Variants in RICTOR observed in about 807,000 individuals in gnomAD.
The protein encoded by RICTOR is rapamycin-insensitive companion of mTOR.
Under a neutral mutation model 214.9 loss-of-function variants are expected in RICTOR, and 49 were observed. The observed-to-expected ratio is 0.23, with a 90% CI of 0.18 to 0.29. The LOEUF is 0.29. Ranked by LOEUF, RICTOR falls within the 10% of genes least tolerant of loss-of-function variation. The pLI is 1.00. For synonymous variants in RICTOR, 717 were observed against 711.3 expected, an observed-to-expected ratio of 1.01 and a Z score of -0.13; for missense variants, 1,625 against 2,047.0, an observed-to-expected ratio of 0.79 and a Z score of 3.98.
At position 38,959,945 on chromosome 5, in the gene RICTOR, C is replaced by G; in HGVS notation, c.1885G>C (p.Asp629His). ...GAAGCATTGAGCCACTGAACAATATCCTTTACTAGATCTTCTAAGTAGCCT... is the reference window on the plus strand; with the variant it reads ...GAAGCATTGAGCCACTGAACAATATGCTTTACTAGATCTTCTAAGTAGCCT... ...GQGYLEDLVK[D>H]IVQWLNASSG... Residue 629 changes from aspartate to histidine, a missense_variant, in exon 21 of 38, where the codon GAT becomes CAT. By Grantham distance (81) the Asp-to-His change is moderately conservative. This residue lies in a region of RICTOR where 1,214 missense variants were observed against 1,470.5 expected (regional missense o/e 0.83). Transcript: ENST00000357387. 6.2e-7 allele frequency: 1 copy of G among 1,612,384 alleles called. No homozygotes were observed. Among genetic ancestry groups the G allele is most frequent in the Non-Finnish European group, 8.5e-7 (1 of 1,178,670 alleles).
At chr5:38,982,586 A>C (rs750720647) in intron 7 of RICTOR, among the ~76,000 whole-genome samples, 1 of 152,112 alleles carries the variant, frequency 6.6e-6, no homozygotes, top group Non-Finnish European at 1.5e-5. Flanking sequence ...AGTTTTGTTA[A>C]GATGATAAAC....
intron 2 of RICTOR, among the ~76,000 whole-genome samples, chr5:39,039,537 G>A (rs1320327736): frequency 6.6e-6 from 1 of 152,114 alleles, no homozygotes; most frequent in African/African-American, 2.4e-5. Context: ...GTAACCTACA[G>A]AATAGGAGAA....
Position 38,962,478 on chromosome 5 carries a change from T to G in RICTOR, c.1668+7A>C, listed in dbSNP as rs765557410. 2.1e-6 allele frequency: 3 copies of G among 1,432,786 alleles called. No individual in the cohort carries two copies. Among genetic ancestry groups the G allele is most frequent in the East Asian group, 4.6e-5 (2 of 43,510 alleles). 88.8% of individuals were successfully genotyped at this position (1,432,786 alleles called of 1,614,324 possible). On this transcript the variant is annotated splice_region_variant and intron_variant, in intron 18 of 37. Transcript: ENST00000357387. Reference sequence around the variant, plus strand: ...ACAAGCCATTACCATGAAGTATCTTTTCATACCTTAAGAATGGTCCCTATA... The same window carrying G: ...ACAAGCCATTACCATGAAGTATCTTGTCATACCTTAAGAATGGTCCCTATA...
intron 2 of RICTOR, among the ~76,000 whole-genome samples, chr5:39,073,283 C>A (rs1378016925): frequency 6.6e-6 from 1 of 152,152 alleles, no homozygotes; most frequent in Non-Finnish European, 1.5e-5. Flanking sequence ...AGAAAAGAAT[C>A]TTGTACGTAA....
intron 9 of RICTOR, among the ~76,000 whole-genome samples, chr5:38,977,412 A>G (rs923720482): frequency 3.9e-5 from 6 of 152,152 alleles, no homozygotes; most frequent in Non-Finnish European, 8.8e-5. Flanking sequence ...GAGAATGTCT[A>G]TATTTCAAAA....
intron 33 of RICTOR, 53 bp from the exon 34 acceptor site, chr5:38,945,777 G>T: frequency 1.1e-6 from 1 of 931,470 alleles, no homozygotes; most frequent in South Asian, 1.8e-5. Context: ...ACTTTTCAAG[G>T]TACCTTAAAT....
intron 2 of RICTOR, among the ~76,000 whole-genome samples, chr5:39,036,886 C>T (rs1438620438): frequency 5.3e-5 from 8 of 152,162 alleles, no homozygotes; most frequent in Admixed American, 6.5e-5. Flanking sequence ...TAGCACCCCA[C>T]TGTCAACATT....
chr5:39,041,996 C>A (rs972201926), intron 2 of RICTOR, among the ~76,000 whole-genome samples: 2 of 147,026 alleles, frequency 1.4e-5, no homozygotes, highest in Admixed American at 1.4e-4. Flanking sequence ...GATTTGAAAC[C>A]ACATTTACAG....
At chr5:38,998,665 T>C (rs898075750) in intron 5 of RICTOR, among the ~76,000 whole-genome samples, 14 of 152,098 alleles carry the variant, frequency 9.2e-5, no homozygotes, top group Admixed American at 1.3e-4. Flanking sequence ...GTTAATATGC[T>C]AAAGAAAATA....
At chr5:38,998,834 G>A (rs1408554702) in intron 5 of RICTOR, among the ~76,000 whole-genome samples, 1 of 151,694 alleles carries the variant, frequency 6.6e-6, no homozygotes, top group Non-Finnish European at 1.5e-5. Flanking sequence ...GGGCAACATG[G>A]TGCAACCCTG....
intron 2 of RICTOR, among the ~76,000 whole-genome samples, chr5:39,066,312 G>A (rs1251421096): frequency 6.6e-6 from 1 of 152,194 alleles, no homozygotes; most frequent in Non-Finnish European, 1.5e-5. Context: ...GGGATGCAGG[G>A]AGCAGTGTCT....
intron 32 of RICTOR, 34 bp downstream of exon 32, chr5:38,947,230 A>G: frequency 1.3e-6 from 2 of 1,510,904 alleles, no homozygotes; most frequent in Non-Finnish European, 1.8e-6. Context: ...TAGGAAACCA[A>G]CTCATAGGAA....
intron 12 of RICTOR, 125 bp from the exon 13 acceptor site, chr5:38,967,552 T>C: frequency 1.5e-6 from 1 of 676,374 alleles, no homozygotes; most frequent in Non-Finnish European, 2.5e-6. Context: ...TACCATACAT[T>C]CAAAAAGATA....
rs1747749931 is a variant in RICTOR at position 38,942,953 on chromosome 5, A to T, written c.4932T>A (p.Pro1644=). Residue 1644 remains proline, a synonymous_variant, in exon 37 of 38, where the codon CCT becomes CCA. Transcript: ENST00000357387. ...AAAGGCATATGTCATCAAATGTTTG[A>T]GGATACTTCTCCTTAATTCTAAAAT... is the stretch of plus-strand genomic sequence containing the variant. ...TGLLTIKEKY[P]QTFDDICLYS... 1 of 1,605,116 alleles carries T rather than the reference A, an allele frequency of 6.2e-7. No individual in the cohort carries two copies. The highest frequency in any genetic ancestry group is 8.5e-7 in the Non-Finnish European group (1 of 1,171,964).
chr5:38,938,393 T>A lies in RICTOR; in HGVS notation c.*3911A>T, dbSNP rs1194617777. 4.3e-6 allele frequency: 1 copy of A among 229,988 alleles called. No homozygotes were observed. The highest frequency in any genetic ancestry group is 2.2e-5 in the African/African-American group (1 of 45,150). The allele number at this position is 229,988 out of a possible 1,614,324, so 14.2% of individuals were successfully genotyped here. A position where few individuals can be genotyped will look rare whatever the true frequency, so the allele number is the denominator to read the frequency against. ...ATTTTTGTAACAATTACCTATAAAA[T>A]TTTTTTCACTCCCCCTCTCTGCCCC... On this transcript the variant is annotated 3_prime_UTR_variant, in exon 38 of 38. Coordinates refer to ENST00000357387, the MANE Select transcript of RICTOR (RefSeq NM_152756.5).
At chr5:38,999,282 T>A (rs891040435) in intron 5 of RICTOR, among the ~76,000 whole-genome samples, 1 of 149,012 alleles carries the variant, frequency 6.7e-6, no homozygotes, top group African/African-American at 2.5e-5. Flanking sequence ...GGACAGAATA[T>A]ACAACAGAGA....
chr5:39,053,402 A>C (rs187929161), intron 2 of RICTOR, among the ~76,000 whole-genome samples: 1 of 152,118 alleles, frequency 6.6e-6, no homozygotes, highest in Non-Finnish European at 1.5e-5. Flanking sequence ...CTCAGAGGAA[A>C]AGAGTCTAGT....
chr5:39,046,061 A>AAATAAATAAATG (rs1177745657), intron 2 of RICTOR, among the ~76,000 whole-genome samples: 16 of 150,598 alleles, frequency 1.1e-4, no homozygotes, highest in South Asian at 2.1e-4. Context: ...ATAAATAAAT[A>AAATAAATAAATG]AATGCTGGCC....
chr5:38,986,491 A>G (rs1370024699), intron 7 of RICTOR, among the ~76,000 whole-genome samples: 1 of 152,242 alleles, frequency 6.6e-6, no homozygotes, highest in Non-Finnish European at 1.5e-5. Context: ...AAATTTAATG[A>G]TGAAGAAAAG....
Sources: allele counts gnomAD v4.1 joint callset (sites outside exome capture counted in the v4.1 genomes callset), GRCh38; gene constraint gnomAD v4.1.1; regional missense constraint gnomAD v4.1.1; transcripts MANE v1.5; gene names NCBI Gene and HGNC (gene_info 2026-07-23, HGNC 2026-07-21).